FBN3: variants seen among roughly 807,000 people sequenced by gnomAD.
FBN3 encodes the protein fibrillin 3, also known as fibrillin-3.
A neutral mutation model predicts 330.1 loss-of-function variants in FBN3; 234 were observed. That is an observed-to-expected ratio of 0.71 (90% CI 0.64 to 0.79). FBN3 has a LOEUF of 0.79. Among genes scored for constraint, FBN3 ranks in the 30% least tolerant of loss-of-function variants. FBN3 has a pLI of 0.00. For missense variants in FBN3, 3,606 were observed against 3,886.9 expected (o/e 0.93, Z 1.92); for synonymous variants, 1,458 against 1,517.3 (o/e 0.96, Z 0.91).
In FBN3 at chr19:8,097,518, G is replaced by A; in HGVS notation, c.5162-104C>T. On this transcript the variant is annotated intron_variant, in intron 41 of 63. Transcript: ENST00000600128. ...CCTGCAATCTGGTTGAGGCTGTTGT[G>A]GCCACAAACCAGCACACACTCAAGA... is the stretch of plus-strand genomic sequence containing the variant. 3 of 1,315,220 alleles carry A rather than the reference G, an allele frequency of 2.3e-6. No homozygotes were observed. In the South Asian group the frequency reaches 5.1e-5, roughly 22 times the overall value. 81.5% of individuals were successfully genotyped at this position (1,315,220 alleles called of 1,614,324 possible). A position where few individuals can be genotyped will look rare whatever the true frequency, so the allele number is the denominator to read the frequency against.
intron 10 of FBN3, 92 bp from the exon 11 acceptor site, chr19:8,136,623 C>T: frequency 6.5e-7 from 1 of 1,542,648 alleles, no homozygotes; most frequent in South Asian, 1.2e-5. Flanking sequence ...CAGATACCCC[C>T]TCTAAGGCTG....
At chr19:8,123,705 C>T in intron 23 of FBN3, 79 bp downstream of exon 23, 1 of 1,593,822 alleles carries the variant, frequency 6.3e-7, no homozygotes, top group East Asian at 2.2e-5. Context: ...CCCCCAAACA[C>T]ACTTCCCATC....
rs1354359104 is a variant in FBN3 at position 8,108,152 on chromosome 19, G to T, written c.4687+18C>A. On this transcript the variant is annotated intron_variant, in intron 37 of 63. Transcript: ENST00000600128. Reference sequence around the variant, plus strand: ...TCTCTAGGCAGACAGATGGATGGATGATCTGCCAGGAACTCACCTTCCAGA... The same window carrying T: ...TCTCTAGGCAGACAGATGGATGGATTATCTGCCAGGAACTCACCTTCCAGA... 2 of 1,606,122 alleles carry T rather than the reference G, an allele frequency of 1.2e-6. No individual in the cohort carries two copies. The highest frequency in any genetic ancestry group is 2.2e-5 in the South Asian group (2 of 90,094).
rs546035681 is a variant in FBN3, at chr19:8,100,812, G to A, written c.5161+89C>T. 1.2e-5 allele frequency: 12 copies of A among 1,007,694 alleles called. No homozygotes were observed. The African/African-American group carries it at 1.8e-4, about 15-fold the overall frequency. 62.4% of individuals were successfully genotyped at this position (1,007,694 alleles called of 1,614,324 possible). On this transcript the variant is annotated intron_variant, in intron 41 of 63. Coordinates refer to ENST00000600128, the MANE Select transcript of FBN3 (RefSeq NM_032447.5). The stretch of plus-strand genomic sequence containing the variant: ...GGGGAGGATGGAGGAGTGGATGTAA[G>A]GAAAAGAGCTGTTGAGGAGGGGAGG...
Position 8,096,319 on chromosome 19 carries a change from A to G in FBN3, c.5539+125T>C. On this transcript the variant is annotated intron_variant, in intron 44 of 63. Coordinates refer to ENST00000600128, the MANE Select transcript of FBN3 (RefSeq NM_032447.5). This position sits in a 1 kb window ranked among gnomAD's most constrained non-coding sequence, Gnocchi z 4.6. ...GATCAACCATTTACCCAAGATCTTAATCTCAGGACCCAAACTTGGATCTCT... is the reference window on the plus strand; with the variant it reads ...GATCAACCATTTACCCAAGATCTTAGTCTCAGGACCCAAACTTGGATCTCT... The G allele has an allele frequency of 8.0e-7, 1 of 1,248,634 alleles. No homozygotes were observed. Among genetic ancestry groups the G allele is most frequent in the Non-Finnish European group, 1.1e-6 (1 of 907,696 alleles). The allele number at this position is 1,248,634 out of a possible 1,614,324, so 77.3% of individuals were successfully genotyped here.
At position 8,138,158 on chromosome 19, in the gene FBN3, G is replaced by A. The variant is rs2083329107; in HGVS notation, c.1184C>T (p.Pro395Leu). Reference sequence around the variant, plus strand: ...GGCCTCACCAATATTAGAGTTGCCAGGGCCCAGGCTGGGGATCCCACGCGC... The same window carrying A: ...GGCCTCACCAATATTAGAGTTGCCAAGGCCCAGGCTGGGGATCCCACGCGC... Reference protein sequence around the residue: ...SDARGIPSLGPGNSNIGTATL... With the variant: ...SDARGIPSLGLGNSNIGTATL... The change falls in exon 10 of 64, where the codon CCT (proline) becomes CTT (leucine). Residue 395 changes from proline to leucine, a missense_variant. Physicochemically the swap from Pro to Leu is moderately conservative, Grantham distance 98 (BLOSUM62 -3). Transcript: ENST00000600128. 6.2e-7 allele frequency: 1 copy of A among 1,611,238 alleles called. No homozygotes were observed. The highest frequency in any genetic ancestry group is 1.1e-5 in the South Asian group (1 of 90,756).
At chr19:8,075,674 C>T (rs928012361) in intron 59 of FBN3, among the ~76,000 whole-genome samples, 4 of 152,204 alleles carry the variant, frequency 2.6e-5, no homozygotes, top group South Asian at 2.1e-4. Context: ...CTCTGTGCCT[C>T]GATGTCCTCA....
intron 24 of FBN3, 91 bp downstream of exon 24, chr19:8,123,372 GA>G: frequency 7.6e-7 from 1 of 1,321,526 alleles, no homozygotes; most frequent in Non-Finnish European, 1.0e-6. Flanking sequence ...AAAAGAAGAA[GA>G]AAAAGAACAG....
intron 57 of FBN3, among the ~76,000 whole-genome samples, chr19:8,082,390 CTCTTT>C (rs1325323352): frequency 4.2e-5 from 5 of 117,920 alleles, no homozygotes; most frequent in African/African-American, 2.1e-4. Flanking sequence ...CTTCTTTCTT[CTCTTT>C]TTTCTCTTTC....
intron 63 of FBN3, among the ~76,000 whole-genome samples, chr19:8,070,398 G>A (rs2081485574): frequency 6.6e-6 from 1 of 152,174 alleles, no homozygotes; most frequent in African/African-American, 2.4e-5. Context: ...TGTTGTTGTT[G>A]TTCACTGTTG....
chr19:8,089,965 C>A lies in FBN3; in HGVS notation c.6185-6G>T, dbSNP rs371496091. ...GCAGAGCTCCTGAAAGGCAGCTGGA[C>A]GGAGAGGGGGAGGGGAGTCAGAGTC... On this transcript the variant is annotated splice_polypyrimidine_tract_variant and splice_region_variant and intron_variant, in intron 49 of 63. Coordinates refer to ENST00000600128, the MANE Select transcript of FBN3 (RefSeq NM_032447.5). 3.7e-6 allele frequency: 6 copies of A among 1,609,232 alleles called. No individual in the cohort carries two copies. Among genetic ancestry groups the A allele is most frequent in the African/African-American group, 1.3e-5 (1 of 74,662 alleles).
chr19:8,094,561 G>C lies in FBN3; in HGVS notation c.5790C>G (p.Thr1930=). ...TTCCTGCAAGGCTGAGGCACTCATTGGTGTCTGTGAAAAGGAGGAAGAAAG... is the reference window on the plus strand; with the variant it reads ...TTCCTGCAAGGCTGAGGCACTCATTCGTGTCTGTGAAAAGGAGGAAGAAAG... The part of the protein sequence containing the change: ...LTADGKNCVD[T]NECLSLAGTC... The change falls in exon 47 of 64, where the codon ACC becomes ACG. Residue 1930 remains threonine (T), a synonymous_variant. Coordinates refer to ENST00000600128, the MANE Select transcript of FBN3 (RefSeq NM_032447.5). 1 of 1,613,218 alleles carries C rather than the reference G, an allele frequency of 6.2e-7. No individual in the cohort carries two copies. Among genetic ancestry groups the C allele is most frequent in the Non-Finnish European group, 8.5e-7 (1 of 1,179,482 alleles).
intron 46 of FBN3, among the ~76,000 whole-genome samples, chr19:8,094,857 T>C (rs776649788): frequency 3.9e-5 from 6 of 152,256 alleles, no homozygotes; most frequent in Non-Finnish European, 7.3e-5. Context: ...GGTATCTATT[T>C]AGCGCTTCTA....
intron 39 of FBN3, among the ~76,000 whole-genome samples, chr19:8,103,294 G>C (rs991988839): frequency 6.8e-6 from 1 of 147,608 alleles, no homozygotes; most frequent in South Asian, 2.1e-4. Context: ...AAGATTACTG[G>C]CTGGCTTGAT....
At chr19:8,075,532 T>G (rs1344709115) in intron 59 of FBN3, 121 bp from the exon 60 acceptor site, 2 of 955,858 alleles carry the variant, frequency 2.1e-6, no homozygotes, top group Admixed American at 5.3e-5. Context: ...CTGTGCCTGT[T>G]TCCCACTCTG....
rs1315801411 is a variant in FBN3, at chr19:8,065,806, C to T, written c.*113G>A. On this transcript the variant is annotated 3_prime_UTR_variant, in exon 64 of 64. Coordinates refer to ENST00000600128, the MANE Select transcript of FBN3 (RefSeq NM_032447.5). ...TGAGGTTGTCGTGTAGCATTTCACT[C>T]TTCCTGAGTTTCGGGGTTCAATCTG... is the stretch of plus-strand genomic sequence containing the variant. 1 of 925,500 alleles carries T rather than the reference C, an allele frequency of 1.1e-6. No homozygotes were observed. The highest frequency in any genetic ancestry group is 1.6e-6 in the Non-Finnish European group (1 of 618,882). 57.3% of individuals were successfully genotyped at this position (925,500 alleles called of 1,614,324 possible).
intron 22 of FBN3, among the ~76,000 whole-genome samples, chr19:8,124,612 A>G (rs1173836211): frequency 6.8e-6 from 1 of 147,056 alleles, no homozygotes; most frequent in Admixed American, 6.9e-5. Context: ...ATCTCAGCTC[A>G]CTGCAACCTC....
intron 63 of FBN3, among the ~76,000 whole-genome samples, 174 bp downstream of exon 63, chr19:8,071,874 G>A (rs2081520483): frequency 3.9e-5 from 6 of 152,054 alleles, no homozygotes; most frequent in Non-Finnish European, 8.8e-5. Flanking sequence ...AAATCCCAGG[G>A]CTGAGAAAGC....
In FBN3 at chr19:8,072,084, C is replaced by A. The variant is rs1238949477; in HGVS notation, c.8052G>T (p.Arg2684=). The A allele has an allele frequency of 1.4e-5, 23 of 1,612,518 alleles. No individual in the cohort carries two copies. The highest frequency in any genetic ancestry group is 1.9e-5 in the Non-Finnish European group (23 of 1,179,730). The change falls in exon 63 of 64, where the codon CGG becomes CGT. Residue 2684 remains arginine (R), a synonymous_variant. Coordinates refer to ENST00000600128, the MANE Select transcript of FBN3 (RefSeq NM_032447.5). ...YECKINGLSP[R]DRPRRSAHRD... ...TGTGGGCACTGCGTCGTGGCCGGTC[C>A]CGAGGGGAGAGGCCATTGATCTTGC...
Sources: gnomAD v4.1 joint callset for allele counts (sites outside exome capture counted in the v4.1 genomes callset) on GRCh38, gnomAD v4.1.1 for gene constraint, Gnocchi (gnomAD v3.1) non-coding constraint, MANE v1.5 for transcripts, NCBI Gene and HGNC (gene_info 2026-07-23, HGNC 2026-07-21) for gene names.